CDKL2: variants seen among roughly 807,000 people sequenced by gnomAD.
CDKL2 encodes cyclin-dependent kinase-like 2.
In CDKL2, 64 loss-of-function variants were observed where a neutral mutation model predicts 63.9. The observed-to-expected ratio is 1.00, with a 90% CI of 0.82 to 1.23. The LOEUF is 1.23. Ranked by LOEUF, CDKL2 falls within the 50% of genes most tolerant of loss-of-function variation. The probability of loss-of-function intolerance (pLI) is 0.00; values close to 1 mark genes in which losing one functional copy is unlikely to be tolerated. For missense variants in CDKL2, 656 were observed against 668.0 expected (o/e 0.98, Z 0.20); for synonymous variants, 211 against 229.2 (o/e 0.92, Z 0.72).
intron 1 of CDKL2, among the ~76,000 whole-genome samples, chr4:75,629,086 A>G (rs1015438354): frequency 1.8e-5 from 1 of 55,944 alleles, no homozygotes; most frequent in Admixed American, 1.3e-4. Context: ...TTTGTATTTG[A>G]AAAAAAAAAT....
chr4:75,592,355 C>A, intron 10 of CDKL2, 86 bp from the exon 11 acceptor site: 1 of 1,174,128 alleles, frequency 8.5e-7, no homozygotes, highest in Non-Finnish European at 1.1e-6. Context: ...ATGTTCATAT[C>A]CTAAAATTTG....
rs796817694 is a variant in CDKL2 at position 75,619,707 on chromosome 4, A to G, written c.169-5258T>C. On this transcript the variant is annotated intron_variant, in intron 2 of 13. Transcript: ENST00000307465. ...AAAACCTAAAATCAAATCAGCGGGCAATAAAAAAGAAATGTTTACAGAGTC... is the reference window on the plus strand; with the variant it reads ...AAAACCTAAAATCAAATCAGCGGGCGATAAAAAAGAAATGTTTACAGAGTC... Among the ~76,000 whole-genome samples the G allele has an allele frequency of 1.6e-4, 24 of 152,166 alleles. 1 individual carries two copies. The highest frequency in any genetic ancestry group is 5.3e-4 in the African/African-American group (22 of 41,540).
At chr4:75,627,954 A>G (rs1373518137) in intron 1 of CDKL2, among the ~76,000 whole-genome samples, 4 of 149,882 alleles carry the variant, frequency 2.7e-5, no homozygotes, top group Non-Finnish European at 5.9e-5. Flanking sequence ...AAGAGTAATG[A>G]CATCGGTATA....
intron 2 of CDKL2, among the ~76,000 whole-genome samples, chr4:75,624,865 C>A (rs1290525787): frequency 2.0e-5 from 3 of 151,858 alleles, no homozygotes; most frequent in African/African-American, 7.3e-5. Flanking sequence ...TCAAAAAAAA[C>A]CAACGAAACA....
intron 2 of CDKL2, among the ~76,000 whole-genome samples, chr4:75,623,663 TG>T (rs1299644062): frequency 6.6e-6 from 1 of 152,110 alleles, no homozygotes; most frequent in Non-Finnish European, 1.5e-5. Context: ...AATAGAGAAC[TG>T]GTAATACAAA....
intron 4 of CDKL2, among the ~76,000 whole-genome samples, chr4:75,606,918 T>G (rs1474900468): frequency 6.6e-6 from 1 of 152,236 alleles, no homozygotes; most frequent in African/African-American, 2.4e-5. Context: ...TGTTCACCTC[T>G]CTTTACAAGT....
At chr4:75,618,517 G>A (rs1409055002) in intron 2 of CDKL2, among the ~76,000 whole-genome samples, 1 of 152,016 alleles carries the variant, frequency 6.6e-6, no homozygotes. Flanking sequence ...GCCTCCCAAA[G>A]TGCTGGGATT....
rs529397923 is a variant in CDKL2, at chr4:75,609,972, G to T, written c.364-2611C>A. 4.6e-5 allele frequency among the ~76,000 whole-genome samples: 7 copies of T among 151,998 alleles called. No homozygotes were observed. In the East Asian group the frequency reaches 1.4e-3, roughly 30 times the overall value. ...TAATCCCAGCACTTTGGGAGACCGA[G>T]GCGGGTGGATCACGAGGTCAGGAGA... On this transcript the variant is annotated intron_variant, in intron 3 of 13. Coordinates refer to ENST00000307465, the MANE Select transcript of CDKL2 (RefSeq NM_001330724.2).
rs956182777 is a variant in CDKL2, at chr4:75,589,547, G to A, written c.1647+2272C>T. ...TCTCGATCTCCTGACCTCGTGATCC[G>A]CCCGCCTCGGCCTCCCAAAGTGCTG... On this transcript the variant is annotated intron_variant, in intron 12 of 13. Transcript: ENST00000307465. 2.4e-4 allele frequency among the ~76,000 whole-genome samples: 37 copies of A among 151,514 alleles called. No homozygotes were observed. The East Asian group carries it at 6.0e-3, about 25-fold the overall frequency.
rs1442944819 is a variant in CDKL2, at chr4:75,593,588, T to C, written c.1417-1319A>G. Among the ~76,000 whole-genome samples the C allele has an allele frequency of 3.9e-5, 6 of 152,254 alleles. No homozygotes were observed. The East Asian group carries it at 1.2e-3, about 29-fold the overall frequency. On this transcript the variant is annotated intron_variant, in intron 10 of 13. Transcript: ENST00000307465. The stretch of plus-strand genomic sequence containing the variant: ...TTATCAGCCAGCATTGATTATGCAA[T>C]ACCTGAAAGCAGGTTGATATCAGTT...
intron 10 of CDKL2, chr4:75,595,941 A>C (rs1728895911): frequency 3.4e-6 from 1 of 292,608 alleles, no homozygotes; most frequent in Non-Finnish European, 6.3e-6. Flanking sequence ...AAAAAAGAAA[A>C]GAAAAAGAAA....
chr4:75,580,886 G>C (rs548956112), intron 13 of CDKL2, among the ~76,000 whole-genome samples: 1 of 151,236 alleles, frequency 6.6e-6, no homozygotes, highest in Non-Finnish European at 1.5e-5. Context: ...ATTTTTAGTA[G>C]AGACGGGGTT....
At chr4:75,593,334 T>G (rs1728787799) in intron 10 of CDKL2, among the ~76,000 whole-genome samples, 2 of 151,272 alleles carry the variant, frequency 1.3e-5, no homozygotes, top group Non-Finnish European at 2.9e-5. Flanking sequence ...ATATATAATA[T>G]AATATATTTA....
intron 7 of CDKL2, among the ~76,000 whole-genome samples, chr4:75,599,570 A>AG (rs1729097190): frequency 1.3e-5 from 2 of 150,790 alleles, no homozygotes; most frequent in African/African-American, 2.4e-5. Context: ...AAAAAAAAAA[A>AG]GAAACTACCA....
At chr4:75,581,772 A>C in intron 13 of CDKL2, 38 bp downstream of exon 13, 1 of 1,184,304 alleles carries the variant, frequency 8.4e-7, no homozygotes, top group Non-Finnish European at 1.2e-6. Context: ...GTACCTGTGA[A>C]AGGCTGCACA....
intron 12 of CDKL2, among the ~76,000 whole-genome samples, chr4:75,582,405 G>A (rs76656242): frequency 3.3e-5 from 5 of 152,254 alleles, no homozygotes; most frequent in South Asian, 4.1e-4. Context: ...AATCTCACTG[G>A]ATGGACTTAA....
In CDKL2 at chr4:75,578,040, A is replaced by G. The variant is rs1032500384; in HGVS notation, c.*1162T>C. ...ACAAATTCTGGTTCCCTAAACAACC[A>G]TTCTCTAAAATGATAAATGCAGAGC... On this transcript the variant is annotated 3_prime_UTR_variant, in exon 14 of 14. Coordinates refer to ENST00000307465, the MANE Select transcript of CDKL2 (RefSeq NM_001330724.2). The G allele has an allele frequency of 1.3e-5, 2 of 151,576 alleles. No individual in the cohort carries two copies. The highest frequency in any genetic ancestry group is 6.6e-5 in the Admixed American group (1 of 15,178). 9.4% of individuals were successfully genotyped at this position (151,576 alleles called of 1,614,324 possible). A position where few individuals can be genotyped will look rare whatever the true frequency, so the allele number is the denominator to read the frequency against.
At chr4:75,590,621 A>G (rs1428783743) in intron 12 of CDKL2, among the ~76,000 whole-genome samples, 1 of 152,180 alleles carries the variant, frequency 6.6e-6, no homozygotes, top group Non-Finnish European at 1.5e-5. Context: ...AGGCTGAGGC[A>G]CAAGAATCAC....
intron 6 of CDKL2, among the ~76,000 whole-genome samples, chr4:75,601,068 G>T (rs1729170873): frequency 6.6e-6 from 1 of 152,072 alleles, no homozygotes; most frequent in Non-Finnish European, 1.5e-5. Context: ...AAACAAAAAA[G>T]AAAGAGATGA....
Sources: allele counts gnomAD v4.1 joint callset (sites outside exome capture counted in the v4.1 genomes callset), GRCh38; gene constraint gnomAD v4.1.1; transcripts MANE v1.5; gene names NCBI Gene and HGNC (gene_info 2026-07-23, HGNC 2026-07-21).